The following PPP3CA variants were observed in gnomAD, a reference collection of about 807,000 sequenced individuals.
PPP3CA encodes the protein CAM-PRP catalytic subunit.
In PPP3CA, 14 loss-of-function variants were observed where a neutral mutation model predicts 66.5. The ratio of observed to expected loss-of-function variants is 0.21; its 90% confidence interval spans 0.14 to 0.33. The LOEUF is 0.33. Ranked by LOEUF, PPP3CA falls within the 10% of genes least tolerant of loss-of-function variation. The pLI, the probability that PPP3CA is intolerant of heterozygous loss-of-function variation, is 1.00. For missense variants in PPP3CA, 317 were observed against 639.5 expected (o/e 0.50, Z 5.44); for synonymous variants, 232 against 226.2 (o/e 1.03, Z -0.23).
At position 101,198,005 on chromosome 4, in the gene PPP3CA, C is replaced by T. The variant is rs185588586; in HGVS notation, c.59-1889G>A. ...AATACTGAGAGATATTTATTTCTCA[C>T]AAATACTCCTTTTATTTTCCAAAAG... On this transcript the variant is annotated intron_variant, in intron 1 of 13. Transcript: ENST00000394854. Among the ~76,000 whole-genome samples, 442 of 152,254 alleles carry T rather than the reference C, an allele frequency of 2.9e-3. 6 individuals are homozygous for T. The highest frequency in any genetic ancestry group is 9.7e-3 in the African/African-American group (402 of 41,550).
chr4:101,032,251 C>A lies in PPP3CA; in HGVS notation c.1339+16G>T. The A allele has an allele frequency of 1.3e-6, 2 of 1,577,240 alleles. No homozygotes were observed. The highest frequency in any genetic ancestry group is 1.8e-5 in the Admixed American group (1 of 54,572). ...GCGATGCCCCAGCACACAGTCATACCCATCAGCCTGCTTACCGCTTTGCAG... is the reference window on the plus strand; with the variant it reads ...GCGATGCCCCAGCACACAGTCATACACATCAGCCTGCTTACCGCTTTGCAG... On this transcript the variant is annotated intron_variant, in intron 12 of 13. Transcript: ENST00000394854.
intron 1 of PPP3CA, among the ~76,000 whole-genome samples, chr4:101,245,632 C>T (rs1726452391): frequency 6.6e-6 from 1 of 152,024 alleles, no homozygotes; most frequent in African/African-American, 2.4e-5. Flanking sequence ...ATTTATCTTC[C>T]TAAAACAATA....
At chr4:101,087,226 T>C (rs1729711680) in intron 6 of PPP3CA, among the ~76,000 whole-genome samples, 1 of 152,166 alleles carries the variant, frequency 6.6e-6, no homozygotes, top group Non-Finnish European at 1.5e-5. Context: ...TCTAATTTCA[T>C]TTTTGTCCAA....
intron 10 of PPP3CA, among the ~76,000 whole-genome samples, chr4:101,060,469 G>T (rs955094345): frequency 3.9e-5 from 6 of 151,906 alleles, no homozygotes; most frequent in Non-Finnish European, 7.4e-5. Context: ...TAAGACTCAG[G>T]GTAATTTTCC....
intron 1 of PPP3CA, among the ~76,000 whole-genome samples, chr4:101,273,941 A>C (rs1369501876): frequency 6.6e-6 from 1 of 152,160 alleles, no homozygotes; most frequent in South Asian, 2.1e-4. Context: ...TTAAGTAAAA[A>C]AAAAACTAAC....
At chr4:101,064,476 A>G (rs551254625) in intron 8 of PPP3CA, among the ~76,000 whole-genome samples, 1 of 152,128 alleles carries the variant, frequency 6.6e-6, no homozygotes, top group South Asian at 2.1e-4. Context: ...ATTACATTAG[A>G]AGACAGTAAC....
chr4:101,332,722 C>T (rs940435769), intron 1 of PPP3CA, among the ~76,000 whole-genome samples: 25 of 152,196 alleles, frequency 1.6e-4, no homozygotes, highest in African/African-American at 6.0e-4. Context: ...CTCGTCGTTA[C>T]AACAACCTTA....
At chr4:101,096,035 T>C (rs1011537407) in intron 5 of PPP3CA, among the ~76,000 whole-genome samples, 4 of 152,128 alleles carry the variant, frequency 2.6e-5, no homozygotes, top group African/African-American at 7.2e-5. Flanking sequence ...CTATGCTCTA[T>C]AGAAGTGTGA....
intron 10 of PPP3CA, among the ~76,000 whole-genome samples, chr4:101,041,262 T>C (rs1727502139): frequency 6.6e-6 from 1 of 152,076 alleles, no homozygotes. Context: ...TTACCACTTG[T>C]TACATTTTCT....
At chr4:101,045,588 A>C (rs1298818665) in intron 10 of PPP3CA, among the ~76,000 whole-genome samples, 1 of 152,230 alleles carries the variant, frequency 6.6e-6, no homozygotes. Context: ...GTGTAAAGGC[A>C]GCAAAACTCC....
At position 101,026,545 on chromosome 4, in the gene PPP3CA, G is replaced by C. The variant is rs567820256; in HGVS notation, c.1370-484C>G. Among the ~76,000 whole-genome samples the C allele has an allele frequency of 3.9e-5, 6 of 152,286 alleles. No homozygotes were observed. The South Asian group carries it at 1.2e-3, about 32-fold the overall frequency. Reference sequence around the variant, plus strand: ...GCTATACCTAAAAACCTAGCAAAGGGCTTAAAGCAGGAGCTAAAAGGAGCT... The same window carrying C: ...GCTATACCTAAAAACCTAGCAAAGGCCTTAAAGCAGGAGCTAAAAGGAGCT... On this transcript the variant is annotated intron_variant, in intron 13 of 13. Coordinates refer to ENST00000394854, the MANE Select transcript of PPP3CA (RefSeq NM_000944.5).
At chr4:101,213,289 T>C (rs567349364) in intron 1 of PPP3CA, among the ~76,000 whole-genome samples, 1 of 152,312 alleles carries the variant, frequency 6.6e-6, no homozygotes, top group African/African-American at 2.4e-5. Context: ...AAACAGTGTA[T>C]GACCATGCAA....
intron 2 of PPP3CA, among the ~76,000 whole-genome samples, chr4:101,166,777 A>G (rs901994064): frequency 5.9e-5 from 9 of 152,172 alleles, no homozygotes; most frequent in African/African-American, 2.4e-5. Flanking sequence ...CAATATGAAG[A>G]CCCATTTGTT....
chr4:101,169,535 G>A (rs894987065), intron 2 of PPP3CA, among the ~76,000 whole-genome samples: 1 of 152,088 alleles, frequency 6.6e-6, no homozygotes, highest in African/African-American at 2.4e-5. Flanking sequence ...AAGCAATCAC[G>A]GTAATGGCAC....
intron 10 of PPP3CA, among the ~76,000 whole-genome samples, chr4:101,044,656 T>C (rs1727680759): frequency 6.6e-6 from 1 of 152,194 alleles, no homozygotes; most frequent in Non-Finnish European, 1.5e-5. Context: ...CTTTCACCTT[T>C]TTAAGTTCTG....
intron 2 of PPP3CA, chr4:101,158,277 C>G (rs968335082): frequency 6.6e-6 from 1 of 152,144 alleles, no homozygotes; most frequent in South Asian, 2.1e-4. Flanking sequence ...GTATTCCCCA[C>G]GGGAAGCAGC....
chr4:101,032,239 A>G (rs111442139), intron 12 of PPP3CA, 28 bp downstream of exon 12: 1 of 1,505,504 alleles, frequency 6.6e-7, no homozygotes, highest in Non-Finnish European at 9.0e-7. Context: ...ATGCCCCAGC[A>G]CACAGTCATA....
chr4:101,137,734 T>G (rs74408565), intron 2 of PPP3CA, among the ~76,000 whole-genome samples: 10,670 of 152,186 alleles, frequency 0.07, 948 homozygotes, highest in East Asian at 0.3. Context: ...ACATTAGTTT[T>G]AACTAGCCAA....
intron 2 of PPP3CA, among the ~76,000 whole-genome samples, chr4:101,124,944 A>T (rs1440741363): frequency 1.3e-5 from 2 of 152,332 alleles, no homozygotes; most frequent in Non-Finnish European, 1.5e-5. Flanking sequence ...TGCACTTTAC[A>T]TCTTGCTTTC....
Sources: gnomAD v4.1 joint callset for allele counts (sites outside exome capture counted in the v4.1 genomes callset) on GRCh38, gnomAD v4.1.1 for gene constraint, MANE v1.5 for transcripts, NCBI Gene and HGNC (gene_info 2026-07-23, HGNC 2026-07-21) for gene names.